Variants in ELAPOR1 observed in about 807,000 individuals in gnomAD.
ELAPOR1 encodes endosome-lysosome associated apoptosis and autophagy regulator 1, also known as endosome/lysosome-associated apoptosis and autophagy regulator 1.
A neutral mutation model predicts 119.7 loss-of-function variants in ELAPOR1; 77 were observed. The observed-to-expected ratio is 0.64, with a 90% CI of 0.54 to 0.78. ELAPOR1 has a LOEUF of 0.78. Ranked by LOEUF, ELAPOR1 falls within the 30% of genes least tolerant of loss-of-function variation. The pLI is 0.00. For synonymous variants in ELAPOR1, 481 were observed against 487.2 expected, an observed-to-expected ratio of 0.99 and a Z score of 0.17; for missense variants, 1,115 against 1,270.4, an observed-to-expected ratio of 0.88 and a Z score of 1.86.
intron 1 of ELAPOR1, among the ~76,000 whole-genome samples, chr1:109,155,183 A>AT (rs1216252376): frequency 6.6e-6 from 1 of 151,722 alleles, no homozygotes; most frequent in African/African-American, 2.4e-5. Context: ...CATTATATAT[A>AT]TATATTTTTT....
chr1:109,153,602 T>C (rs1361042849), intron 1 of ELAPOR1, among the ~76,000 whole-genome samples: 1 of 149,726 alleles, frequency 6.7e-6, no homozygotes, highest in Non-Finnish European at 1.5e-5. Flanking sequence ...CTCTGTTTGG[T>C]GGACTTGTGG....
intron 1 of ELAPOR1, among the ~76,000 whole-genome samples, chr1:109,125,004 C>G (rs1057113939): frequency 5.3e-5 from 8 of 152,250 alleles, no homozygotes; most frequent in Middle Eastern, 3.4e-3. Flanking sequence ...TCTCGGCTCA[C>G]TGCAACCTCC....
Position 109,144,061 on chromosome 1 carries a change from A to ATTTTTTTTTTTTTTT in ELAPOR1, c.154-17832_154-17818dup, listed in dbSNP as rs71069655. The stretch of plus-strand genomic sequence containing the variant: ...TATATATATATATATATATTTATAT[A>ATTTTTTTTTTTTTTT]TTTTTTTTTTTTTTTGAGATGGAGT... On this transcript the variant is annotated intron_variant, in intron 1 of 21. Transcript: ENST00000369939. Among the ~76,000 whole-genome samples, 49 of 88,984 alleles carry ATTTTTTTTTTTTTTT rather than the reference A, an allele frequency of 5.5e-4. 6 individuals carry two copies. Among genetic ancestry groups the ATTTTTTTTTTTTTTT allele is most frequent in the South Asian group, 2.1e-3 (6 of 2,836 alleles). The allele number at this position is 88,984 out of a possible 152,430, so 58.4% of individuals were successfully genotyped here. A position where few individuals can be genotyped will look rare whatever the true frequency, so the allele number is the denominator to read the frequency against.
In ELAPOR1 at chr1:109,164,676, C is replaced by T; in HGVS notation, c.452C>T (p.Thr151Ile). 6.2e-7 allele frequency: 1 copy of T among 1,613,890 alleles called. No homozygotes were observed. The highest frequency in any genetic ancestry group is 8.5e-7 in the Non-Finnish European group (1 of 1,179,824). ...MELDDSAAES[T>I]GNCTSSKWVP... ...CTGGATGACAGTGCTGCTGAGTCCA[C>T]CGGGAACTGTACTTCGTGAGTCTGC... The change falls in exon 3 of 22, where the codon ACC becomes ATC. Residue 151 changes from threonine to isoleucine, a missense_variant. By Grantham distance (89) the Thr-to-Ile change is moderately conservative. Coordinates refer to ENST00000369939, the MANE Select transcript of ELAPOR1 (RefSeq NM_020775.5).
rs774041366 is a variant in ELAPOR1, at chr1:109,200,884, A to G, written c.2957A>G (p.Lys986Arg). The G allele has an allele frequency of 1.9e-6, 3 of 1,614,066 alleles. No homozygotes were observed. In the South Asian group the frequency reaches 3.3e-5, roughly 18 times the overall value. The stretch of plus-strand genomic sequence containing the variant: ...AAGAAGTCACTCTTTGGGAAGATCA[A>G]ATCATTTACCTCCAAGGTAGGGGTC... Reference protein sequence around the residue: ...TSKKSLFGKIKSFTSKRTPDG... With the variant: ...TSKKSLFGKIRSFTSKRTPDG... Residue 986 changes from lysine (K) to arginine (R), a missense_variant, in exon 21 of 22, where the codon AAA becomes AGA. Transcript: ENST00000369939.
At chr1:109,158,389 T>A (rs1651023486) in intron 1 of ELAPOR1, among the ~76,000 whole-genome samples, 1 of 150,918 alleles carries the variant, frequency 6.6e-6, no homozygotes, top group Non-Finnish European at 1.5e-5. Context: ...TGAGTCTGAG[T>A]GAATTCTTCT....
chr1:109,185,282 G>C, intron 8 of ELAPOR1, 149 bp downstream of exon 8: 1 of 636,602 alleles, frequency 1.6e-6, no homozygotes, highest in Admixed American at 2.9e-5. Context: ...GGCTAGGTGG[G>C]GTGGGGGGCA....
At position 109,165,228 on chromosome 1, in the gene ELAPOR1, G is replaced by GCC. The variant is rs1188137027; in HGVS notation, c.467+537_467+538insCC. 1.0e-3 allele frequency among the ~76,000 whole-genome samples: 158 copies of GCC among 152,160 alleles called. 1 individual carries two copies. Among genetic ancestry groups the GCC allele is most frequent in the African/African-American group, 3.7e-3 (153 of 41,526 alleles). ...GATAACTTGAGCCTAGGAGTTCAAG[G>GCC]TTAGACTGAGCTATGACCGCACCAC... On this transcript the variant is annotated intron_variant, in intron 3 of 21. Coordinates refer to ENST00000369939, the MANE Select transcript of ELAPOR1 (RefSeq NM_020775.5).
Position 109,197,538 on chromosome 1 carries a change from G to A in ELAPOR1, c.2186G>A (p.Gly729Glu), listed in dbSNP as rs757859094. Residue 729 changes from glycine to glutamate, a missense_variant, in exon 16 of 22, where the codon GGG (glycine) becomes GAG (glutamate). Transcript: ENST00000369939. The part of the protein sequence containing the change: ...TDLRIPEGES[G>E]FSKSITAYVC... The stretch of plus-strand genomic sequence containing the variant: ...CTCCGGATTCCTGAGGGTGAGTCAG[G>A]GTTCTCCAAATCTATCACAGCCTAC... 6.8e-6 allele frequency: 11 copies of A among 1,614,022 alleles called. No individual in the cohort carries two copies. The South Asian group carries it at 1.2e-4, about 18-fold the overall frequency.
intron 3 of ELAPOR1, among the ~76,000 whole-genome samples, chr1:109,171,539 G>A (rs113724234): frequency 9.2e-5 from 14 of 151,842 alleles, no homozygotes; most frequent in African/African-American, 3.1e-4. Context: ...GAGACAGAGC[G>A]AGACTCTGCC....
At chr1:109,188,923 G>A in intron 9 of ELAPOR1, 143 bp from the exon 10 acceptor site, 5 of 867,792 alleles carry the variant, frequency 5.8e-6, no homozygotes, top group Non-Finnish European at 8.9e-6. Flanking sequence ...GAGTCAACTT[G>A]ATACAACTTC....
intron 1 of ELAPOR1, among the ~76,000 whole-genome samples, chr1:109,139,977 G>C (rs751769722): frequency 6.6e-6 from 1 of 152,198 alleles, no homozygotes; most frequent in Admixed American, 6.5e-5. Flanking sequence ...TGCCCAGGCT[G>C]GTCTCGAACT....
chr1:109,180,771 T>C (rs1335510397), intron 7 of ELAPOR1, among the ~76,000 whole-genome samples: 1 of 152,012 alleles, frequency 6.6e-6, no homozygotes, highest in Non-Finnish European at 1.5e-5. Flanking sequence ...TTGAGACCAG[T>C]CTGGGTAATA....
chr1:109,132,783 A>G (rs1649228011), intron 1 of ELAPOR1, among the ~76,000 whole-genome samples: 3 of 152,234 alleles, frequency 2.0e-5, no homozygotes, highest in Admixed American at 1.3e-4. Flanking sequence ...AGTTAGAAAT[A>G]AGGTGGGAGA....
chr1:109,198,609 A>T lies in ELAPOR1; in HGVS notation c.2436A>T (p.Arg812Ser). 1 of 1,613,920 alleles carries T rather than the reference A, an allele frequency of 6.2e-7. No homozygotes were observed. Among genetic ancestry groups the T allele is most frequent in the South Asian group, 1.1e-5 (1 of 90,958 alleles). The change falls in exon 18 of 22, where the codon AGA becomes AGT. Residue 812 changes from arginine to serine, a missense_variant. Transcript: ENST00000369939. ...NDVTQSCSSG[R>S]STTIRVRCSP... ...TGACCCAGTCCTGCAGTTCTGGGAG[A>T]TCAACCACCATCCGCGTCAGGTGCA...
chr1:109,115,487 C>T (rs1647929774), intron 1 of ELAPOR1, among the ~76,000 whole-genome samples: 1 of 151,998 alleles, frequency 6.6e-6, no homozygotes, highest in South Asian at 2.1e-4. Context: ...GATATACTGC[C>T]CCGGCCAGTC....
At chr1:109,149,461 T>C (rs1209114788) in intron 1 of ELAPOR1, among the ~76,000 whole-genome samples, 3 of 152,098 alleles carry the variant, frequency 2.0e-5, no homozygotes, top group African/African-American at 7.2e-5. Flanking sequence ...ACAAGGGAGA[T>C]TGAATGACTG....
At chr1:109,165,802 T>C (rs1651564978) in intron 3 of ELAPOR1, among the ~76,000 whole-genome samples, 1 of 150,180 alleles carries the variant, frequency 6.7e-6, no homozygotes. Flanking sequence ...TGGAGTGCAG[T>C]GGTGCCATCT....
At chr1:109,196,712 C>G (rs1212386456) in intron 15 of ELAPOR1, among the ~76,000 whole-genome samples, 1 of 149,332 alleles carries the variant, frequency 6.7e-6, no homozygotes, top group South Asian at 2.1e-4. Context: ...GAGGTGGAGT[C>G]TCACTCTTTT....
Sources: allele counts gnomAD v4.1 joint callset (sites outside exome capture counted in the v4.1 genomes callset), GRCh38; gene constraint gnomAD v4.1.1; transcripts MANE v1.5; gene names NCBI Gene and HGNC (gene_info 2026-07-23, HGNC 2026-07-21).